Variants in CC2D2A observed in about 807,000 individuals in gnomAD.
The protein encoded by CC2D2A is coiled-coil and C2 domain-containing protein 2A.
A neutral mutation model predicts 212.9 loss-of-function variants in CC2D2A; 155 were observed. The observed-to-expected ratio is 0.73, with a 90% confidence interval of 0.64 to 0.83. The LOEUF (loss-of-function observed/expected upper bound fraction) is 0.83. Ranked by LOEUF, CC2D2A falls within the 40% of genes least tolerant of loss-of-function variation. The probability of loss-of-function intolerance (pLI) is 0.00; values close to 1 mark genes in which losing one functional copy is unlikely to be tolerated. For missense variants in CC2D2A, 1,856 were observed against 1,956.2 expected (o/e 0.95, Z 0.97); for synonymous variants, 667 against 686.5 (o/e 0.97, Z 0.44).
intron 32 of CC2D2A, among the ~76,000 whole-genome samples, chr4:15,589,210 G>T (rs1277960954): frequency 1.3e-5 from 2 of 152,082 alleles, no homozygotes; most frequent in African/African-American, 4.8e-5. Context: ...TTAAATGGCA[G>T]TCTTACTGAC....
chr4:15,541,034 T>C lies in CC2D2A; in HGVS notation c.2181+20T>C, dbSNP rs1006081856. The C allele has an allele frequency of 1.3e-6, 2 of 1,513,406 alleles. No homozygotes were observed. Among genetic ancestry groups the C allele is most frequent in the African/African-American group, 2.8e-5 (2 of 72,326 alleles). The allele number at this position is 1,513,406 out of a possible 1,614,324, so 93.7% of individuals were successfully genotyped here. A position where few individuals can be genotyped will look rare whatever the true frequency, so the allele number is the denominator to read the frequency against. ...CTTCAGGTACACATTTTAATTATAG[T>C]TACTGGCCGGGCACTGTGGCTCATG... On this transcript the variant is annotated intron_variant, in intron 17 of 36. Transcript: ENST00000424120.
chr4:15,549,379 T>C (rs1718877424), intron 17 of CC2D2A, among the ~76,000 whole-genome samples: 1 of 152,224 alleles, frequency 6.6e-6, no homozygotes. Flanking sequence ...TCTGGGGTCC[T>C]GAATTCAGTA....
At chr4:15,592,009 A>T (rs1721126620) in intron 33 of CC2D2A, among the ~76,000 whole-genome samples, 1 of 152,040 alleles carries the variant, frequency 6.6e-6, no homozygotes, top group Non-Finnish European at 1.5e-5. Context: ...TCAGCAGAGG[A>T]CCTCCTCCTG....
At chr4:15,600,465 C>G (rs1721533692) in intron 36 of CC2D2A, among the ~76,000 whole-genome samples, 1 of 152,184 alleles carries the variant, frequency 6.6e-6, no homozygotes, top group African/African-American at 2.4e-5. Context: ...TGCTGGAACA[C>G]TTACAGAATT....
Position 15,511,065 on chromosome 4 carries a change from ACT to A in CC2D2A, c.541-181_541-180del, listed in dbSNP as rs377476992. Among the ~76,000 whole-genome samples, 11 of 152,320 alleles carry A rather than the reference ACT, an allele frequency of 7.2e-5. No individual in the cohort carries two copies. In the East Asian group the frequency reaches 1.7e-3, roughly 24 times the overall value. ...GAGTTACTATTAAAGGAGGCCTCCA[ACT>A]GCCTGTGGCAGATATTAAAGTTTAT... On this transcript the variant is annotated intron_variant, in intron 7 of 36. Coordinates refer to ENST00000424120, the MANE Select transcript of CC2D2A (RefSeq NM_001378615.1).
chr4:15,507,868 G>A (rs765837140), intron 6 of CC2D2A, among the ~76,000 whole-genome samples: 5 of 152,190 alleles, frequency 3.3e-5, no homozygotes, highest in Non-Finnish European at 5.9e-5. Flanking sequence ...TTCTTCCTGC[G>A]ATATGGGTAC....
chr4:15,585,390 C>G (rs937210888), intron 30 of CC2D2A, among the ~76,000 whole-genome samples: 14 of 152,092 alleles, frequency 9.2e-5, no homozygotes, highest in African/African-American at 3.4e-4. Context: ...TAAGCCAGGA[C>G]AGAAGGACAG....
intron 33 of CC2D2A, 52 bp from the exon 34 acceptor site, chr4:15,596,033 T>C: frequency 7.2e-7 from 1 of 1,390,442 alleles, no homozygotes; most frequent in Non-Finnish European, 9.7e-7. Flanking sequence ...CACACATACA[T>C]GTGCATGTAT....
intron 20 of CC2D2A, among the ~76,000 whole-genome samples, chr4:15,555,602 G>A (rs981364045): frequency 2.6e-5 from 4 of 152,186 alleles, no homozygotes; most frequent in South Asian, 2.1e-4. Context: ...TGCTTGGCAC[G>A]GTGGCGCATG....
intron 13 of CC2D2A, among the ~76,000 whole-genome samples, chr4:15,530,036 A>G (rs1717754947): frequency 6.6e-6 from 1 of 151,062 alleles, no homozygotes; most frequent in Admixed American, 6.6e-5. Context: ...CAGTGGTGCG[A>G]TTTCGGCTCA....
chr4:15,494,788 A>T (rs1199919904), intron 4 of CC2D2A, among the ~76,000 whole-genome samples: 2 of 152,252 alleles, frequency 1.3e-5, no homozygotes, highest in African/African-American at 4.8e-5. Context: ...TCAAAATTTG[A>T]AAGTTTTTAA....
chr4:15,557,409 T>C lies in CC2D2A; in HGVS notation c.2731T>C (p.Phe911Leu), dbSNP rs368886216. The C allele has an allele frequency of 1.5e-5, 25 of 1,613,436 alleles. No homozygotes were observed. In the African/African-American group the frequency reaches 3.3e-4, roughly 22 times the overall value. ...SDQELNRSKRFRLLHLRSQEV... is the reference protein window; with the variant it reads ...SDQELNRSKRLRLLHLRSQEV... ...TCAAGAATTAAATAGATCCAAACGA[T>C]TTAGGCTTCTTCATCTTAGAAGCCA... Residue 911 changes from phenylalanine (F) to leucine (L), a missense_variant, in exon 21 of 37, where the codon TTT becomes CTT. By Grantham distance (22) the Phe-to-Leu change is conservative (BLOSUM62 0). Transcript: ENST00000424120.
intron 8 of CC2D2A, among the ~76,000 whole-genome samples, chr4:15,513,282 C>G (rs952619386): frequency 6.6e-6 from 1 of 152,234 alleles, no homozygotes; most frequent in Non-Finnish European, 1.5e-5. Context: ...AAAGAAGCCA[C>G]AGTTCCTTTT....
At chr4:15,479,182 T>G (rs1020210622) in intron 3 of CC2D2A, 37 of 1,442,812 alleles carry the variant, frequency 2.6e-5, no homozygotes, top group Non-Finnish European at 3.3e-5. Context: ...GGAAACTCCC[T>G]CTTTTTCCAA....
At chr4:15,511,452 G>A (rs561362447) in intron 8 of CC2D2A, 29 bp downstream of exon 8, 2 of 1,477,054 alleles carry the variant, frequency 1.4e-6, no homozygotes, top group East Asian at 2.6e-5. Context: ...GTAATGAGGT[G>A]TGGGTGGAGG....
intron 31 of CC2D2A, 36 bp downstream of exon 31, chr4:15,586,282 G>A: frequency 7.6e-7 from 1 of 1,311,660 alleles, no homozygotes; most frequent in Non-Finnish European, 1.1e-6. Context: ...AGAAACTTGA[G>A]CTGACTTAAT....
At chr4:15,476,008 T>A in intron 2 of CC2D2A, 37 bp downstream of exon 2, 2 of 1,556,176 alleles carry the variant, frequency 1.3e-6, no homozygotes, top group Non-Finnish European at 1.8e-6. Flanking sequence ...GGGATGTGTT[T>A]GTGTGTGCAT....
At chr4:15,561,037 C>A (rs1417996952) in intron 23 of CC2D2A, among the ~76,000 whole-genome samples, 1 of 152,218 alleles carries the variant, frequency 6.6e-6, no homozygotes, top group Non-Finnish European at 1.5e-5. Flanking sequence ...CCACAAGCTT[C>A]TGGGGTGGAC....
At position 15,536,902 on chromosome 4, in the gene CC2D2A, C is replaced by A. The variant is rs1303472925; in HGVS notation, c.1608-18C>A. ...TTAATTTCCAGAAATAACCAAGGGACTACAAATTATTTTAAAGGGAAAAAG... is the reference window on the plus strand; with the variant it reads ...TTAATTTCCAGAAATAACCAAGGGAATACAAATTATTTTAAAGGGAAAAAG... On this transcript the variant is annotated intron_variant, in intron 14 of 36. Coordinates refer to ENST00000424120, the MANE Select transcript of CC2D2A (RefSeq NM_001378615.1). 1 of 1,609,220 alleles carries A rather than the reference C, an allele frequency of 6.2e-7. No homozygotes were observed. The highest frequency in any genetic ancestry group is 1.3e-5 in the African/African-American group (1 of 74,608).
Sources: allele counts gnomAD v4.1 joint callset (sites outside exome capture counted in the v4.1 genomes callset), GRCh38; gene constraint gnomAD v4.1.1; transcripts MANE v1.5; gene names NCBI Gene and HGNC (gene_info 2026-07-23, HGNC 2026-07-21).